PKD1: variants seen among roughly 807,000 people sequenced by gnomAD.
PKD1 encodes the protein polycystin 1, transient receptor potential channel interacting.
A neutral mutation model predicts 361.7 loss-of-function variants in PKD1; 81 were observed. That is an observed-to-expected ratio of 0.22 (90% CI 0.19 to 0.27). The LOEUF is 0.27. Among genes scored for constraint, PKD1 ranks in the 10% least tolerant of loss-of-function variants. PKD1 has a pLI of 1.00. For missense variants in PKD1, 6,399 were observed against 6,118.3 expected, an observed-to-expected ratio of 1.05 and a Z score of -1.53; for synonymous variants, 3,615 against 2,818.3, an observed-to-expected ratio of 1.28 and a Z score of -8.95.
rs995622376 is a variant in PKD1, at chr16:2,112,017, C to T, written c.3296-146G>A. 39 of 857,882 alleles carry T rather than the reference C, an allele frequency of 4.5e-5. No individual in the cohort carries two copies. In the Admixed American group the frequency reaches 7.5e-4, roughly 16 times the overall value. The allele number at this position is 857,882 out of a possible 1,614,324, so 53.1% of individuals were successfully genotyped here. ...GGGTCCCAGGCTCCCAAGCCACGTG[C>T]GGGACGGAGCACAGGTGTAGCAGCA... On this transcript the variant is annotated intron_variant, in intron 14 of 45. Coordinates refer to ENST00000262304, the MANE Select transcript of PKD1 (RefSeq NM_001009944.3).
At position 2,117,620 on chromosome 16, in the gene PKD1, G is replaced by A. The variant is rs1369949134; in HGVS notation, c.1254C>T (p.His418=). The change falls in exon 6 of 46, where the codon CAC becomes CAT. Residue 418 remains histidine (H), a synonymous_variant. Transcript: ENST00000262304. ...SDTEIFPGNG[H]CYRLVVEKAA... is the part of the protein sequence containing the mutation. ...CCTTCTCCACCACCAGGCGGTAGCA[G>A]TGCCCGTTGCCAGGGAAGATCTCCG... The A allele has an allele frequency of 4.3e-6, 7 of 1,610,628 alleles. No individual in the cohort carries two copies. The highest frequency in any genetic ancestry group is 5.9e-6 in the Non-Finnish European group (7 of 1,179,672).
intron 1 of PKD1, among the ~76,000 whole-genome samples, chr16:2,123,965 G>A (rs531169009): frequency 2.8e-4 from 43 of 152,320 alleles, no homozygotes; most frequent in East Asian, 1.4e-3. Flanking sequence ...CCCCAGCGCC[G>A]AGCGTCCGAT....
In PKD1 at chr16:2,106,240, G is replaced by C; in HGVS notation, c.7554C>G (p.Arg2518=). 1.9e-6 allele frequency: 3 copies of C among 1,610,264 alleles called. No homozygotes were observed. Among genetic ancestry groups the C allele is most frequent in the Non-Finnish European group, 2.5e-6 (3 of 1,179,558 alleles). The change falls in exon 19 of 46, where the codon CGC becomes CGG. Residue 2518 remains arginine, a synonymous_variant. Coordinates refer to ENST00000262304, the MANE Select transcript of PKD1 (RefSeq NM_001009944.3). This position sits in a 1 kb window ranked among gnomAD's most constrained non-coding sequence, Gnocchi z 6.5. Reference sequence around the variant, plus strand: ...CACAGAACTCCTCGCAGTGGCCCTGGCGACAGCGCCGCAGCAGCAGGGCGT... The same window carrying C: ...CACAGAACTCCTCGCAGTGGCCCTGCCGACAGCGCCGCAGCAGCAGGGCGT... The part of the protein sequence containing the change: ...LVYALLLRRC[R]QGHCEEFCVY...
chr16:2,105,901 G>A lies in PKD1; in HGVS notation c.7827C>T (p.Ile2609=), dbSNP rs761938194. The A allele has an allele frequency of 5.6e-6, 9 of 1,596,448 alleles. No individual in the cohort carries two copies. The highest frequency in any genetic ancestry group is 4.0e-5 in the African/African-American group (3 of 74,850). ...CGGTGACCAGGGCCAACGAGTACTC[G>A]ATGACGTGCTGGGGATCGGCCTGCC... is the stretch of plus-strand genomic sequence containing the variant. ...LLRQADPQHV[I]EYSLALVTVL... is the part of the protein sequence containing the mutation. The change falls in exon 20 of 46, where the codon ATC becomes ATT. Residue 2609 remains isoleucine, a synonymous_variant. Transcript: ENST00000262304.
Position 2,091,766 on chromosome 16 carries a change from G to A in PKD1, c.11537+15C>T, listed in dbSNP as rs772236459. On this transcript the variant is annotated intron_variant, in intron 41 of 45. Coordinates refer to ENST00000262304, the MANE Select transcript of PKD1 (RefSeq NM_001009944.3). ...CTGCGGCCACCCCGGAGAGGGCAGG[G>A]GAGGGAGCTCCCACCTGTTGTCCAG... 3.7e-6 allele frequency: 6 copies of A among 1,609,794 alleles called. No homozygotes were observed. Among genetic ancestry groups the A allele is most frequent in the African/African-American group, 1.3e-5 (1 of 74,970 alleles).
At chr16:2,097,103 C>T (rs780619303) in intron 34 of PKD1, 45 bp downstream of exon 34, 70 of 1,411,644 alleles carry the variant, frequency 5.0e-5, no homozygotes, top group Non-Finnish European at 6.3e-5. Flanking sequence ...TGAGTCCCGG[C>T]CCCTCCTCTG....
chr16:2,099,548 C>T, intron 30 of PKD1, 96 bp downstream of exon 30: 1 of 1,188,844 alleles, frequency 8.4e-7, no homozygotes, highest in East Asian at 2.5e-5. Flanking sequence ...GGACGCCTTT[C>T]CCTCTGGCTG....
chr16:2,103,661 G>A lies in PKD1; in HGVS notation c.8396C>T (p.Ala2799Val), dbSNP rs1281332537. 3 of 1,610,210 alleles carry A rather than the reference G, an allele frequency of 1.9e-6. No individual in the cohort carries two copies. The highest frequency in any genetic ancestry group is 1.7e-6 in the Non-Finnish European group (2 of 1,179,656). The change falls in exon 23 of 46, where the codon GCC (alanine) becomes GTC (valine). Residue 2799 changes from alanine to valine, a missense_variant. Physicochemically the swap from Ala to Val is moderately conservative, Grantham distance 64. Coordinates refer to ENST00000262304, the MANE Select transcript of PKD1 (RefSeq NM_001009944.3). ...DPRSLLCYGG[A>V]PGPGCHFSIP... is the part of the protein sequence containing the mutation. The stretch of plus-strand genomic sequence containing the variant: ...GGAGAAGTGGCAGCCAGGCCCTGGG[G>A]CGCCGCCATAGCACAGCAGGCTCCG...
chr16:2,114,130 C>G, intron 11 of PKD1, 40 bp downstream of exon 11: 6 of 1,582,134 alleles, frequency 3.8e-6, no homozygotes, highest in Non-Finnish European at 5.2e-6. Context: ...TCTGCAGGCA[C>G]CTGCCTGGGG....
chr16:2,129,513 T>C (rs1226686009), intron 1 of PKD1, among the ~76,000 whole-genome samples: 3 of 151,504 alleles, frequency 2.0e-5, no homozygotes, highest in Admixed American at 1.3e-4. Flanking sequence ...TGCGTCTTCT[T>C]TGGAGAAATC....
At position 2,110,848 on chromosome 16, in the gene PKD1, G is replaced by C. The variant is rs1231715216; in HGVS notation, c.4319C>G (p.Ser1440Cys). 1 of 1,611,880 alleles carries C rather than the reference G, an allele frequency of 6.2e-7. No individual in the cohort carries two copies. The highest frequency in any genetic ancestry group is 1.1e-5 in the South Asian group (1 of 91,034). Residue 1440 changes from serine (S) to cysteine (C), a missense_variant, in exon 15 of 46, where the codon TCC becomes TGC. Coordinates refer to ENST00000262304, the MANE Select transcript of PKD1 (RefSeq NM_001009944.3). ...EVTFIYRDPG[S>C]YLVTVTASNN... ...GGACGCGGTGACTGTCACAAGATAGGAGCCTGGGTCTCGGTAGATGAACGT... is the reference window on the plus strand; with the variant it reads ...GGACGCGGTGACTGTCACAAGATAGCAGCCTGGGTCTCGGTAGATGAACGT...
At position 2,093,264 on chromosome 16, in the gene PKD1, C is replaced by T. The variant is rs1410478436; in HGVS notation, c.11017-171G>A. 25 of 789,176 alleles carry T rather than the reference C, an allele frequency of 3.2e-5. 1 individual carries two copies. Among genetic ancestry groups the T allele is most frequent in the Middle Eastern group, 3.7e-4 (1 of 2,716 alleles). 48.9% of individuals were successfully genotyped at this position (789,176 alleles called of 1,614,324 possible). A position where few individuals can be genotyped will look rare whatever the true frequency, so the allele number is the denominator to read the frequency against. ...GGGTAATGGCAGCACACACCCTGCCCGGAACCCCACCTGGGGGCAGACACA... is the reference window on the plus strand; with the variant it reads ...GGGTAATGGCAGCACACACCCTGCCTGGAACCCCACCTGGGGGCAGACACA... On this transcript the variant is annotated intron_variant, in intron 37 of 45. Coordinates refer to ENST00000262304, the MANE Select transcript of PKD1 (RefSeq NM_001009944.3).
chr16:2,115,399 C>T lies in PKD1; in HGVS notation c.2076G>A (p.Ala692=), dbSNP rs1317987043. The change falls in exon 10 of 46, where the codon GCG becomes GCA. Residue 692 remains alanine, a synonymous_variant. Transcript: ENST00000262304. ...ACACCGAGTACTGCGCGGGGGGCCCCGCGGGAACGGAGAAGAGGAACTCTC... is the reference window on the plus strand; with the variant it reads ...ACACCGAGTACTGCGCGGGGGGCCCTGCGGGAACGGAGAAGAGGAACTCTC... ...LWREFLFSVP[A]GPPAQYSVTL... 3 of 1,563,240 alleles carry T rather than the reference C, an allele frequency of 1.9e-6. No homozygotes were observed. Among genetic ancestry groups the T allele is most frequent in the East Asian group, 2.4e-5 (1 of 42,492 alleles).
At position 2,090,812 on chromosome 16, in the gene PKD1, C is replaced by A. The variant is rs368567158; in HGVS notation, c.12004-4G>T. On this transcript the variant is annotated splice_region_variant and splice_polypyrimidine_tract_variant and intron_variant, in intron 43 of 45. Coordinates refer to ENST00000262304, the MANE Select transcript of PKD1 (RefSeq NM_001009944.3). ...CGAAGCGTAGCTGCTGGGCAGCCTG[C>A]GGACGAGAAATCTGTCTGCTTGCAG... The A allele has an allele frequency of 3.7e-6, 6 of 1,612,144 alleles. No individual in the cohort carries two copies. Among genetic ancestry groups the A allele is most frequent in the Middle Eastern group, 1.6e-4 (1 of 6,084 alleles).
Position 2,109,080 on chromosome 16 carries a change from C to T in PKD1, c.6087G>A (p.Thr2029=), listed in dbSNP as rs764139050. ...VILSGRDVTY[T]PVAAGLLEIQ... The stretch of plus-strand genomic sequence containing the variant: ...TCTCCAACAGCCCCGCGGCCACGGG[C>T]GTGTAGGTGACGTCGCGGCCCGACA... The change falls in exon 15 of 46, where the codon ACG becomes ACA. Residue 2029 remains threonine, a synonymous_variant. Coordinates refer to ENST00000262304, the MANE Select transcript of PKD1 (RefSeq NM_001009944.3). The T allele has an allele frequency of 6.2e-6, 10 of 1,604,278 alleles. No homozygotes were observed. Among genetic ancestry groups the T allele is most frequent in the Admixed American group, 1.7e-5 (1 of 59,830 alleles).
At chr16:2,104,341 A>G (rs1352810128) in intron 22 of PKD1, among the ~76,000 whole-genome samples, 157 bp downstream of exon 22, 24 of 64,590 alleles carry the variant, frequency 3.7e-4, no homozygotes, top group South Asian at 3.1e-3. Flanking sequence ...GGGGGAGGAG[A>G]ATGGGAATTG....
intron 1 of PKD1, among the ~76,000 whole-genome samples, chr16:2,125,574 C>T (rs1357797113): frequency 1.3e-5 from 2 of 152,122 alleles, no homozygotes; most frequent in African/African-American, 2.4e-5. Context: ...GGAGGCTGAA[C>T]GAGGGAGATG....
chr16:2,090,073 G>C lies in PKD1; in HGVS notation c.12566C>G (p.Thr4189Ser). 1 of 1,610,522 alleles carries C rather than the reference G, an allele frequency of 6.2e-7. No homozygotes were observed. The highest frequency in any genetic ancestry group is 8.5e-7 in the Non-Finnish European group (1 of 1,178,374). The change falls in exon 46 of 46, where the codon ACC (threonine) becomes AGC (serine). Residue 4189 changes from threonine to serine, a missense_variant. By Grantham distance (58) the Thr-to-Ser change is moderately conservative. Transcript: ENST00000262304. ...CAGCCCATCCAGCTGGCTGGAGGAG[G>C]TGGAGGGGTGCGAGGCATCGGAGCC... is the stretch of plus-strand genomic sequence containing the variant. ...SAGSDASHPS[T>S]SSSQLDGLSV...
At position 2,115,644 on chromosome 16, in the gene PKD1, G is replaced by T. The variant is rs555281055; in HGVS notation, c.1850-19C>A. The stretch of plus-strand genomic sequence containing the variant: ...GGGGTCCCTGTGAGGAGGGGAGGGT[G>T]TTGGGGCCCTGATTTGCCCACAGGC... On this transcript the variant is annotated intron_variant, in intron 9 of 45. Transcript: ENST00000262304. 19 of 1,595,180 alleles carry T rather than the reference G, an allele frequency of 1.2e-5. No individual in the cohort carries two copies. In the African/African-American group the frequency reaches 1.9e-4, roughly 16 times the overall value.
Sources: gnomAD v4.1 joint callset for allele counts (sites outside exome capture counted in the v4.1 genomes callset) on GRCh38, gnomAD v4.1.1 for gene constraint, Gnocchi (gnomAD v3.1) non-coding constraint, MANE v1.5 for transcripts, NCBI Gene and HGNC (gene_info 2026-07-23, HGNC 2026-07-21) for gene names.